Variants in PAOX observed in about 807,000 individuals in gnomAD.
PAOX encodes polyamine oxidase.
Under a neutral mutation model 39.0 loss-of-function variants are expected in PAOX, and 38 were observed. That is an observed-to-expected ratio of 0.97 (90% CI 0.75 to 1.28). PAOX has a LOEUF of 1.28. Among genes scored for constraint, PAOX ranks in the 50% most tolerant of loss-of-function variants. The pLI is 0.00. For missense variants in PAOX, 667 were observed against 685.7 expected, an observed-to-expected ratio of 0.97 and a Z score of 0.30; for synonymous variants, 311 against 314.4, an observed-to-expected ratio of 0.99 and a Z score of 0.11.
At position 133,384,133 on chromosome 10, in the gene PAOX, C is replaced by G. The variant is rs1352998754; in HGVS notation, c.1042C>G (p.Pro348Ala). The change falls in exon 4 of 7, where the codon CCC becomes GCC. Residue 348 changes from proline to alanine, a missense_variant. Pro to Ala is a conservative substitution (Grantham distance 27, BLOSUM62 -1). Transcript: ENST00000278060. This position sits in a 1 kb window ranked among gnomAD's most constrained non-coding sequence, Gnocchi z 4.3. ...LIQLVWEDTS[P>A]LEDAAPELQD... ...CCAGCTGGTGTGGGAGGACACGTCG[C>G]CCCTGGAGGATGCTGCCCCTGAGCT... is the stretch of plus-strand genomic sequence containing the variant. 1 of 1,614,170 alleles carries G rather than the reference C, an allele frequency of 6.2e-7. No individual in the cohort carries two copies. The highest frequency in any genetic ancestry group is 1.7e-5 in the Admixed American group (1 of 60,018).
chr10:133,389,576 T>C lies in PAOX; in HGVS notation c.1235-14T>C, dbSNP rs573340494. 240 of 1,613,896 alleles carry C rather than the reference T, an allele frequency of 1.5e-4. 2 individuals carry two copies. In the South Asian group the frequency reaches 2.5e-3, roughly 17 times the overall value. ...GAGAGTTCTCGGTTAACATGCAGTG[T>C]CTCTGTGGCTCAGGAAACCCACGGC... On this transcript the variant is annotated splice_polypyrimidine_tract_variant and intron_variant, in intron 5 of 6. Coordinates refer to ENST00000278060, the MANE Select transcript of PAOX (RefSeq NM_152911.4).
Position 133,391,321 on chromosome 10 carries a change from C to T in PAOX, c.1402C>T (p.Leu468=), listed in dbSNP as rs767281738. Residue 468 remains leucine (L), a synonymous_variant, in exon 7 of 7, where the codon CTG becomes TTG. Transcript: ENST00000278060. ...TGGCTCTTCTTTGCAGCTCCAGATC[C>T]TGTTTGCGGGGGAAGCCACACATCG... ...ADGAGAQLQI[L]FAGEATHRTF... is the part of the protein sequence containing the mutation. 6.2e-7 allele frequency: 1 copy of T among 1,613,582 alleles called. No individual in the cohort carries two copies. Among genetic ancestry groups the T allele is most frequent in the South Asian group, 1.1e-5 (1 of 91,078 alleles).
At chr10:133,382,807 G>C (rs1389566640) in intron 3 of PAOX, 2 of 150,554 alleles carry the variant, frequency 1.3e-5, no homozygotes, top group Non-Finnish European at 3.0e-5. Flanking sequence ...CCAAAAATCT[G>C]CTGCTCAGTT....
Position 133,384,282 on chromosome 10 carries a change from AGTGT to A in PAOX, c.1121+73_1121+76del, listed in dbSNP as rs969622977. ...GCCTTCATCTGATGGAGGACGCAGC[AGTGT>A]GTCTGTTCACTGCAGGGTATTTCTA... On this transcript the variant is annotated intron_variant, in intron 4 of 6. Transcript: ENST00000278060. This position sits in a 1 kb window ranked among gnomAD's most constrained non-coding sequence, Gnocchi z 4.3. 6.3e-7 allele frequency: 1 copy of A among 1,575,284 alleles called. No individual in the cohort carries two copies. Among genetic ancestry groups the A allele is most frequent in the Non-Finnish European group, 8.6e-7 (1 of 1,157,908 alleles).
chr10:133,390,820 G>GA, intron 6 of PAOX: 1 of 566,848 alleles, frequency 1.8e-6, no homozygotes, highest in Middle Eastern at 4.8e-4. Flanking sequence ...CCGACTCCCA[G>GA]ATCCCTCCCC....
At chr10:133,382,290 T>C (rs755679249) in intron 3 of PAOX, among the ~76,000 whole-genome samples, 8 of 151,942 alleles carry the variant, frequency 5.3e-5, no homozygotes, top group Non-Finnish European at 8.8e-5. Flanking sequence ...GTCACTTAAT[T>C]GCCCAAGTTC....
Position 133,379,994 on chromosome 10 carries a change from C to T in PAOX, c.182-5C>T. 2.7e-6 allele frequency: 4 copies of T among 1,508,180 alleles called. No homozygotes were observed. The highest frequency in any genetic ancestry group is 2.3e-5 in the East Asian group (1 of 43,998). 93.4% of individuals were successfully genotyped at this position (1,508,180 alleles called of 1,614,324 possible). ...CTCCAGGTGGCATCTGCTGTCCCCTCGCAGGTGGCGTGGTGGAGGTGGGCG... is the reference window on the plus strand; with the variant it reads ...CTCCAGGTGGCATCTGCTGTCCCCTTGCAGGTGGCGTGGTGGAGGTGGGCG... On this transcript the variant is annotated splice_polypyrimidine_tract_variant and splice_region_variant and intron_variant, in intron 1 of 6. Transcript: ENST00000278060.
rs1169257936 is a variant in PAOX, at chr10:133,384,659, G to T, written c.1121+447G>T. 6.6e-6 allele frequency among the ~76,000 whole-genome samples: 1 copy of T among 152,220 alleles called. No homozygotes were observed. Among genetic ancestry groups the T allele is most frequent in the Non-Finnish European group, 1.5e-5 (1 of 68,034 alleles). On this transcript the variant is annotated intron_variant, in intron 4 of 6. Coordinates refer to ENST00000278060, the MANE Select transcript of PAOX (RefSeq NM_152911.4). This position sits in a 1 kb window ranked among gnomAD's most constrained non-coding sequence, Gnocchi z 4.3. ...ACAGAGGAAGGGCTCCCTTGTATGG[G>T]CTGGCCCTCTTAGAAACAGCATATC...
chr10:133,385,115 A>T (rs1010173455), intron 4 of PAOX, among the ~76,000 whole-genome samples: 1 of 151,952 alleles, frequency 6.6e-6, no homozygotes, highest in East Asian at 1.9e-4. Context: ...GGCCAACATG[A>T]TGAAACCCCG....
chr10:133,391,007 G>A (rs998868915), intron 6 of PAOX: 25 of 699,668 alleles, frequency 3.6e-5, no homozygotes, highest in Middle Eastern at 2.3e-4. Context: ...CGTGTGAGCC[G>A]TTTTCCCGCC....
intron 6 of PAOX, chr10:133,390,893 G>GT: frequency 1.7e-6 from 1 of 583,964 alleles, no homozygotes; most frequent in Non-Finnish European, 3.2e-6. Context: ...TACACCCCTT[G>GT]TTTTCTCTAA....
rs926012623 is a variant in PAOX, at chr10:133,385,784, C to T, written c.1121+1572C>T. ...ATTTTTAGTAGAGACAGGGTTTCAC[C>T]GTGTTAGCCAGGATGGTCTCGATCT... On this transcript the variant is annotated intron_variant, in intron 4 of 6. Transcript: ENST00000278060. 7.2e-5 allele frequency among the ~76,000 whole-genome samples: 11 copies of T among 152,028 alleles called. No homozygotes were observed. In the East Asian group the frequency reaches 1.6e-3, roughly 21 times the overall value.
In PAOX at chr10:133,381,542, CA is replaced by C; in HGVS notation, c.752del (p.His251ProfsTer20). On this transcript the variant is annotated frameshift_variant, in exon 3 of 7. Coordinates refer to ENST00000278060, the MANE Select transcript of PAOX (RefSeq NM_152911.4). LOFTEE classifies it high-confidence loss of function. ...TTTTGAGAAGCCTGTGAAGACCATC[CA>C]CTGGAACGGGTCCTTCCAGGAGGCA... ...VVFEKPVKTI[H>X]WNGSFQEAAF... 2.5e-6 allele frequency: 4 copies of C among 1,613,834 alleles called. No homozygotes were observed. Among genetic ancestry groups the C allele is most frequent in the Non-Finnish European group, 3.4e-6 (4 of 1,180,032 alleles).
At position 133,381,580 on chromosome 10, in the gene PAOX, G is replaced by A. The variant is rs750805573; in HGVS notation, c.789G>A (p.Gly263=). 1.9e-6 allele frequency: 3 copies of A among 1,613,788 alleles called. No homozygotes were observed. Among genetic ancestry groups the A allele is most frequent in the East Asian group, 4.5e-5 (2 of 44,874 alleles). ...NGSFQEAAFP[G]ETFPVSVECE... Reference sequence around the variant, plus strand: ...CCTTCCAGGAGGCAGCCTTTCCCGGGGAGACCTTTCCAGTGTCGGTAGAGT... The same window carrying A: ...CCTTCCAGGAGGCAGCCTTTCCCGGAGAGACCTTTCCAGTGTCGGTAGAGT... Residue 263 remains glycine (G), a synonymous_variant, in exon 3 of 7, where the codon GGG becomes GGA. Transcript: ENST00000278060.
intron 4 of PAOX, among the ~76,000 whole-genome samples, chr10:133,387,857 A>G (rs1418126165): frequency 6.6e-6 from 1 of 152,176 alleles, no homozygotes; most frequent in Non-Finnish European, 1.5e-5. Context: ...AGTAGCTGGG[A>G]CTACAGGTGC....
At position 133,379,349 on chromosome 10, in the gene PAOX, G is replaced by C; in HGVS notation, c.33G>C (p.Pro11=). MESTGSVGEA[P]GGPRVLVVGG... ...CGACCGGCAGCGTCGGGGAGGCCCC[G>C]GGCGGACCCCGGGTGCTGGTGGTGG... is the stretch of plus-strand genomic sequence containing the variant. Residue 11 remains proline, a synonymous_variant, in exon 1 of 7, where the codon CCG becomes CCC. Coordinates refer to ENST00000278060, the MANE Select transcript of PAOX (RefSeq NM_152911.4). 1 of 1,218,502 alleles carries C rather than the reference G, an allele frequency of 8.2e-7. No individual in the cohort carries two copies. The highest frequency in any genetic ancestry group is 1.0e-6 in the Non-Finnish European group (1 of 979,616). The allele number at this position is 1,218,502 out of a possible 1,614,324, so 75.5% of individuals were successfully genotyped here.
In PAOX at chr10:133,379,986, T is replaced by C; in HGVS notation, c.182-13T>C. 2 of 1,507,488 alleles carry C rather than the reference T, an allele frequency of 1.3e-6. No homozygotes were observed. The highest frequency in any genetic ancestry group is 1.8e-6 in the Non-Finnish European group (2 of 1,134,312). The allele number at this position is 1,507,488 out of a possible 1,614,324, so 93.4% of individuals were successfully genotyped here. A position where few individuals can be genotyped will look rare whatever the true frequency, so the allele number is the denominator to read the frequency against. ...AAAGGGACCTCCAGGTGGCATCTGC[T>C]GTCCCCTCGCAGGTGGCGTGGTGGA... On this transcript the variant is annotated splice_polypyrimidine_tract_variant and intron_variant, in intron 1 of 6. Transcript: ENST00000278060.
intron 4 of PAOX, 143 bp from the exon 5 acceptor site, chr10:133,388,813 T>G: frequency 1.3e-6 from 1 of 776,336 alleles, no homozygotes; most frequent in South Asian, 1.5e-5. Context: ...AGAGCTGGGC[T>G]GGACACTGTC....
rs569031040 is a variant in PAOX, at chr10:133,384,352, C to A, written c.1121+140C>A. On this transcript the variant is annotated intron_variant, in intron 4 of 6. Coordinates refer to ENST00000278060, the MANE Select transcript of PAOX (RefSeq NM_152911.4). This position sits in a 1 kb window ranked among gnomAD's most constrained non-coding sequence, Gnocchi z 4.3. ...AGGGTTCCCATGAGCGCCCCCCCAC[C>A]AGGTGCTGGCTGCACCTGGGCCTGA... 6.0e-6 allele frequency: 8 copies of A among 1,333,890 alleles called. No individual in the cohort carries two copies. In the East Asian group the frequency reaches 1.7e-4, roughly 28 times the overall value. 82.6% of individuals were successfully genotyped at this position (1,333,890 alleles called of 1,614,324 possible). A position where few individuals can be genotyped will look rare whatever the true frequency, so the allele number is the denominator to read the frequency against.
Sources: gnomAD v4.1 joint callset for allele counts (sites outside exome capture counted in the v4.1 genomes callset) on GRCh38, gnomAD v4.1.1 for gene constraint, Gnocchi (gnomAD v3.1) non-coding constraint, MANE v1.5 for transcripts, NCBI Gene and HGNC (gene_info 2026-07-23, HGNC 2026-07-21) for gene names.